Variants in FAAH2 observed in about 807,000 individuals in gnomAD.
FAAH2 encodes the protein fatty acid amide hydrolase 2.
In FAAH2, 60 loss-of-function variants were observed where a neutral mutation model predicts 36.9. That is an observed-to-expected ratio of 1.63 (90% CI 1.32 to 2.02). FAAH2 has a LOEUF of 2.02. FAAH2 is among the 30% of genes most tolerant of loss of function. The pLI, the probability that FAAH2 is intolerant of heterozygous loss-of-function variation, is 0.00. For missense variants in FAAH2, 689 were observed against 397.5 expected, an observed-to-expected ratio of 1.73 and a Z score of -6.23; for synonymous variants, 214 against 143.8, an observed-to-expected ratio of 1.49 and a Z score of -3.49.
chrX:57,469,217 C>A, intron 10 of FAAH2, among the ~76,000 whole-genome samples: 1 of 111,910 alleles, frequency 8.9e-6, no homozygotes, highest in Non-Finnish European at 1.9e-5. Flanking sequence ...CAGCTAACAT[C>A]ATAATGAAAG....
chrX:57,435,300 AC>A (rs1476744112), intron 8 of FAAH2, among the ~76,000 whole-genome samples: 1 of 111,732 alleles, frequency 8.9e-6, no homozygotes, highest in African/African-American at 3.2e-5. Context: ...AATGTATAAA[AC>A]AACTGAAAAG....
chrX:57,206,403 A>G, the FAAH2 span, among the ~76,000 whole-genome samples: 5 of 112,264 alleles, frequency 4.5e-5, no homozygotes, highest in African/African-American at 6.5e-5. Flanking sequence ...ATCAGGAGCT[A>G]TAATTAAACC....
At chrX:57,346,114 C>T (rs1274178585) in intron 5 of FAAH2, among the ~76,000 whole-genome samples, 1 of 110,720 alleles carries the variant, frequency 9.0e-6, no homozygotes, top group African/African-American at 3.3e-5. Flanking sequence ...GTTGGGTGGA[C>T]TATTTTGCAG....
the FAAH2 span, among the ~76,000 whole-genome samples, chrX:57,201,474 C>T: frequency 9.1e-6 from 1 of 110,015 alleles, no homozygotes; most frequent in Non-Finnish European, 1.9e-5. Flanking sequence ...CACATTATAT[C>T]TCCTTTGTAT....
chrX:57,202,531 A>T, the FAAH2 span, among the ~76,000 whole-genome samples: 2 of 111,943 alleles, frequency 1.8e-5, no homozygotes, highest in Non-Finnish European at 3.8e-5. Flanking sequence ...CTTGGGGTGT[A>T]GTGACACAAG....
chrX:57,371,549 G>A (rs1648755176), intron 5 of FAAH2, among the ~76,000 whole-genome samples: 1 of 108,820 alleles, frequency 9.2e-6, no homozygotes, highest in Non-Finnish European at 1.9e-5. Context: ...AGACGTGCAG[G>A]TGCATGTGTC....
At chrX:57,290,193 C>G (rs1602165795) in intron 1 of FAAH2, 2 of 600,128 alleles carry the variant, frequency 3.3e-6, no homozygotes, top group Non-Finnish European at 4.0e-6. Context: ...TACCTCTAAC[C>G]CCTGCTTTTT....
At chrX:57,142,951 A>G in the FAAH2 span, among the ~76,000 whole-genome samples, 1 of 111,226 alleles carries the variant, frequency 9.0e-6, no homozygotes, top group African/African-American at 3.3e-5. Flanking sequence ...TTCCATTTGC[A>G]TAGAATATCT....
intron 4 of FAAH2, among the ~76,000 whole-genome samples, chrX:57,338,329 G>T (rs2053604744): frequency 9.0e-6 from 1 of 111,630 alleles, no homozygotes; most frequent in South Asian, 3.8e-4. Flanking sequence ...CTTTCACAAG[G>T]TAATGTAATC....
At chrX:57,393,104 T>A (rs1374337211) in intron 7 of FAAH2, 47 of 968,184 alleles carry the variant, frequency 4.9e-5, no homozygotes, top group Non-Finnish European at 7.0e-5. Flanking sequence ...CTTCACGGCA[T>A]CAAAAGCCCT....
At chrX:57,332,043 T>A (rs1338173027) in intron 4 of FAAH2, among the ~76,000 whole-genome samples, 2 of 111,546 alleles carry the variant, frequency 1.8e-5, no homozygotes, top group Non-Finnish European at 3.8e-5. Context: ...GAGAATGAAC[T>A]ACAAGTGATG....
chrX:57,198,500 G>C, the FAAH2 span, among the ~76,000 whole-genome samples: 1 of 112,442 alleles, frequency 8.9e-6, no homozygotes, highest in Non-Finnish European at 1.9e-5. Context: ...ACAAGCCTCA[G>C]TGCTGAGAAA....
At chrX:57,258,131 A>C in the FAAH2 span, among the ~76,000 whole-genome samples, 1 of 111,683 alleles carries the variant, frequency 9.0e-6, no homozygotes, top group Admixed American at 9.6e-5. Context: ...GAAAGCCCAG[A>C]AATATAACCT....
At chrX:57,479,598 C>T (rs1004065071) in intron 10 of FAAH2, among the ~76,000 whole-genome samples, 1 of 111,325 alleles carries the variant, frequency 9.0e-6, no homozygotes, top group Middle Eastern at 4.6e-3. Context: ...CCAGTTTTTG[C>T]CTATTTAGTA....
chrX:57,339,421 A>G (rs2053633972), intron 4 of FAAH2, among the ~76,000 whole-genome samples: 1 of 112,373 alleles, frequency 8.9e-6, no homozygotes, highest in Admixed American at 9.4e-5. Context: ...AATGGAATCT[A>G]GTTAACTAAC....
intron 10 of FAAH2, among the ~76,000 whole-genome samples, chrX:57,459,567 G>A (rs1000967477): frequency 8.9e-6 from 1 of 112,162 alleles, no homozygotes; most frequent in Non-Finnish European, 1.9e-5. Context: ...CCTCTCAACA[G>A]GGTTTGACAG....
At chrX:57,264,928 A>G in the FAAH2 span, among the ~76,000 whole-genome samples, 1 of 111,983 alleles carries the variant, frequency 8.9e-6, no homozygotes, top group African/African-American at 3.2e-5. Context: ...TAAAATATTC[A>G]GGTACTCGCA....
At chrX:57,203,253 G>A in the FAAH2 span, among the ~76,000 whole-genome samples, 1 of 112,098 alleles carries the variant, frequency 8.9e-6, no homozygotes. Flanking sequence ...AAAGGGATGG[G>A]CCAAAACAAA....
intron 7 of FAAH2, among the ~76,000 whole-genome samples, chrX:57,425,913 G>T (rs1012356156): frequency 8.9e-6 from 1 of 112,062 alleles, no homozygotes; most frequent in Non-Finnish European, 1.9e-5. Flanking sequence ...CAGAATAGAT[G>T]TTAAAAACAT....
Sources: allele counts gnomAD v4.1 joint callset (sites outside exome capture counted in the v4.1 genomes callset), GRCh38; gene constraint gnomAD v4.1.1; transcripts MANE v1.5; gene names NCBI Gene and HGNC (gene_info 2026-07-23, HGNC 2026-07-21).